SLC16A2: variants seen among roughly 807,000 people sequenced by gnomAD.
SLC16A2 encodes the protein monocarboxylate transporter 8.
A neutral mutation model predicts 27.2 loss-of-function variants in SLC16A2; 3 were observed. The ratio of observed to expected loss-of-function variants is 0.11; its 90% CI spans 0.05 to 0.28. The LOEUF (loss-of-function observed/expected upper bound fraction) is 0.28, where lower values mean the gene tolerates loss of function less well. SLC16A2 is among the 10% of genes least tolerant of loss of function. The pLI is 1.00. For missense variants in SLC16A2, 295 were observed against 458.5 expected, an observed-to-expected ratio of 0.64 and a Z score of 3.26; for synonymous variants, 202 against 187.8, an observed-to-expected ratio of 1.08 and a Z score of -0.62.
At chrX:74,422,975 G>C (rs966353298) in intron 1 of SLC16A2, among the ~76,000 whole-genome samples, 86 of 113,268 alleles carry the variant, frequency 7.6e-4, no homozygotes, top group African/African-American at 2.7e-3. Context: ...GCTTTCCCCT[G>C]GAGCTGACTT....
chrX:74,432,352 G>A (rs1928549392), intron 1 of SLC16A2, among the ~76,000 whole-genome samples: 1 of 111,681 alleles, frequency 9.0e-6, no homozygotes, highest in Admixed American at 9.5e-5. Context: ...TTCTGAACAG[G>A]ATAGCTCCAG....
At chrX:74,520,858 G>A in intron 1 of SLC16A2, 132 bp from the exon 2 acceptor site, 2 of 675,951 alleles carry the variant, frequency 3.0e-6, no homozygotes, top group Non-Finnish European at 4.8e-6. Context: ...TGAACATCAG[G>A]GACTAGCAAG....
chrX:74,442,406 T>C (rs1928768798), intron 1 of SLC16A2, among the ~76,000 whole-genome samples: 1 of 110,857 alleles, frequency 9.0e-6, no homozygotes, highest in African/African-American at 3.3e-5. Flanking sequence ...AAATTCATCT[T>C]GCTTGAACCT....
rs903813243 is a variant in SLC16A2, at chrX:74,433,711, C to T, written c.430+11644C>T. 4.5e-5 allele frequency among the ~76,000 whole-genome samples: 5 copies of T among 111,906 alleles called. No individual in the cohort carries two copies. In the East Asian group the frequency reaches 8.4e-4, roughly 19 times the overall value. On this transcript the variant is annotated intron_variant, in intron 1 of 5. Transcript: ENST00000587091. ...TGGTACATTAAGTTCATAAAGTCTT[C>T]ATTTTTTTTAAATGATTGCACCATA...
intron 1 of SLC16A2, among the ~76,000 whole-genome samples, chrX:74,471,749 A>G (rs749842245): frequency 7.2e-5 from 8 of 111,474 alleles, no homozygotes; most frequent in Non-Finnish European, 1.5e-4. Context: ...ACCACCATCC[A>G]TCTCCAGTAC....
chrX:74,473,463 T>G (rs763365089), intron 1 of SLC16A2: 64 of 542,583 alleles, frequency 1.2e-4, no homozygotes, highest in East Asian at 1.1e-3. Context: ...TGAATGACAG[T>G]CTTATCCATG....
At chrX:74,453,787 G>T (rs1189839667) in intron 1 of SLC16A2, among the ~76,000 whole-genome samples, 1 of 111,173 alleles carries the variant, frequency 9.0e-6, no homozygotes, top group East Asian at 2.8e-4. Context: ...CAGACACCCA[G>T]TCGGCACGAG....
chrX:74,441,829 C>G (rs1449918799), intron 1 of SLC16A2, among the ~76,000 whole-genome samples: 2 of 111,381 alleles, frequency 1.8e-5, no homozygotes, highest in South Asian at 3.8e-4. Flanking sequence ...AAGCCTCCCC[C>G]TCACCCCCAG....
intron 1 of SLC16A2, among the ~76,000 whole-genome samples, chrX:74,478,575 C>T (rs764760341): frequency 7.2e-4 from 80 of 111,673 alleles, no homozygotes; most frequent in African/African-American, 2.4e-3. Flanking sequence ...TTCTTCCTAG[C>T]CTCGATGGTC....
intron 1 of SLC16A2, among the ~76,000 whole-genome samples, chrX:74,487,129 T>A (rs887460917): frequency 9.0e-6 from 1 of 111,308 alleles, no homozygotes; most frequent in Non-Finnish European, 1.9e-5. Context: ...TTTACCTTTT[T>A]TGGTGAAAAA....
At chrX:74,465,708 G>A (rs921192550) in intron 1 of SLC16A2, among the ~76,000 whole-genome samples, 2 of 111,522 alleles carry the variant, frequency 1.8e-5, no homozygotes, top group Non-Finnish European at 3.8e-5. Flanking sequence ...CCCATATTGG[G>A]GTGACAATTC....
intron 3 of SLC16A2, 44 bp downstream of exon 3, chrX:74,524,853 G>A (rs370984191): frequency 9.0e-7 from 1 of 1,113,375 alleles, no homozygotes; most frequent in Non-Finnish European, 1.2e-6. Context: ...GCCCCAAGAA[G>A]CTACCCTCAA....
At chrX:74,461,210 C>T (rs1929134765) in intron 1 of SLC16A2, among the ~76,000 whole-genome samples, 1 of 111,842 alleles carries the variant, frequency 8.9e-6, no homozygotes, top group East Asian at 2.8e-4. Flanking sequence ...AATCTAGCTC[C>T]AGGTTTGCCA....
chrX:74,531,342 G>A lies in SLC16A2; in HGVS notation c.1409G>A (p.Arg470His), dbSNP rs371961817. The change falls in exon 6 of 6, where the codon CGC becomes CAC. Residue 470 changes from arginine (R) to histidine (H), a missense_variant. This residue lies in a region of SLC16A2 where 144 missense variants were observed against 219.8 expected (regional missense o/e 0.66). Coordinates refer to ENST00000587091, the MANE Select transcript of SLC16A2 (RefSeq NM_006517.5). ...CTCTTGACTGTTTCAGGCCTACTCC[G>A]CAACTGTTTTGGGGACTACCATGTG... ...IAGPPIAGLL[R>H]NCFGDYHVAF... The A allele has an allele frequency of 7.4e-6, 9 of 1,209,081 alleles. No homozygotes were observed. Among genetic ancestry groups the A allele is most frequent in the African/African-American group, 5.2e-5 (3 of 57,286 alleles).
intron 1 of SLC16A2, among the ~76,000 whole-genome samples, chrX:74,484,669 C>T (rs370267402): frequency 1.8e-5 from 2 of 111,676 alleles, no homozygotes; most frequent in Non-Finnish European, 3.8e-5. Flanking sequence ...GGTTGGGGAG[C>T]CTTATAATTT....
At chrX:74,515,640 C>T (rs777987821) in intron 1 of SLC16A2, among the ~76,000 whole-genome samples, 8 of 110,714 alleles carry the variant, frequency 7.2e-5, no homozygotes, top group African/African-American at 2.6e-4. Flanking sequence ...CAGACATGCA[C>T]GTGCATGCAC....
chrX:74,531,820 C>G lies in SLC16A2; in HGVS notation c.*267C>G, dbSNP rs1218920629. 2.4e-6 allele frequency: 1 copy of G among 408,503 alleles called. No individual in the cohort carries two copies. Among genetic ancestry groups the G allele is most frequent in the African/African-American group, 2.5e-5 (1 of 39,867 alleles). The allele number at this position is 408,503 out of a possible 1,213,427, so 33.7% of individuals were successfully genotyped here. ...ACCACCCCTGGCCTTTGGAACCTCT[C>G]CATATACTTTCTAAGCTCTGGGGGA... On this transcript the variant is annotated 3_prime_UTR_variant, in exon 6 of 6. Transcript: ENST00000587091.
intron 1 of SLC16A2, among the ~76,000 whole-genome samples, chrX:74,475,249 C>G (rs1929447703): frequency 9.0e-6 from 1 of 110,698 alleles, no homozygotes; most frequent in African/African-American, 3.3e-5. Context: ...AGCATTTTTT[C>G]ATGTGTCTTT....
intron 1 of SLC16A2, among the ~76,000 whole-genome samples, chrX:74,468,002 G>C (rs184258849): frequency 1.7e-4 from 19 of 111,780 alleles, no homozygotes; most frequent in African/African-American, 5.5e-4. Flanking sequence ...CCATCAGCTT[G>C]AGATACCTTT....
Sources: allele counts gnomAD v4.1 joint callset (sites outside exome capture counted in the v4.1 genomes callset), GRCh38; gene constraint gnomAD v4.1.1; regional missense constraint gnomAD v4.1.1; transcripts MANE v1.5; gene names NCBI Gene and HGNC (gene_info 2026-07-23, HGNC 2026-07-21).